Variants in SND1 observed in about 807,000 individuals in gnomAD.
SND1 encodes the protein staphylococcal nuclease and tudor domain containing 1.
SND1 carries 38 observed loss-of-function variants against 121.7 expected under a neutral mutation model. That is an observed-to-expected ratio of 0.31 (90% CI 0.24 to 0.41). The LOEUF is 0.41. SND1 is among the 10% of genes least tolerant of loss of function. The pLI, the probability that SND1 is intolerant of heterozygous loss-of-function variation, is 1.00. For missense variants in SND1, 868 were observed against 1,184.6 expected (o/e 0.73, Z 3.92); for synonymous variants, 401 against 447.4 (o/e 0.90, Z 1.31).
At chr7:127,897,669 G>A (rs1800147505) in intron 13 of SND1, among the ~76,000 whole-genome samples, 1 of 152,054 alleles carries the variant, frequency 6.6e-6, no homozygotes, top group African/African-American at 2.4e-5. Context: ...CTTATCCTAA[G>A]GAAGTAATTG....
intron 10 of SND1, among the ~76,000 whole-genome samples, chr7:127,784,460 T>G (rs1176691913): frequency 2.0e-5 from 3 of 152,214 alleles, no homozygotes; most frequent in African/African-American, 4.8e-5. Context: ...TTTGAAAGCT[T>G]CAGAGAAGTA....
chr7:128,044,786 CT>C (rs1792918145), intron 16 of SND1, among the ~76,000 whole-genome samples: 1 of 152,030 alleles, frequency 6.6e-6, no homozygotes, highest in Non-Finnish European at 1.5e-5. Context: ...CCATTCAGTA[CT>C]TTATTTTTCC....
At chr7:128,084,580 C>T (rs999482689) in intron 18 of SND1, 144 bp from the exon 19 acceptor site, 11 of 783,502 alleles carry the variant, frequency 1.4e-5, no homozygotes, top group Admixed American at 1.1e-4. Flanking sequence ...AGGGCTTCCC[C>T]GCATGGGTTG....
chr7:127,771,864 G>T (rs1350395129), intron 10 of SND1, among the ~76,000 whole-genome samples: 1 of 152,008 alleles, frequency 6.6e-6, no homozygotes. Context: ...CTGTCTGCTT[G>T]GTAAATTGCC....
At chr7:127,711,937 G>A (rs1418197781) in intron 9 of SND1, among the ~76,000 whole-genome samples, 4 of 151,272 alleles carry the variant, frequency 2.6e-5, no homozygotes, top group South Asian at 2.1e-4. Context: ...AGCTTTCTGC[G>A]AAATTGATTT....
At chr7:127,868,855 G>A (rs374513023) in intron 12 of SND1, among the ~76,000 whole-genome samples, 3 of 152,080 alleles carry the variant, frequency 2.0e-5, no homozygotes, top group South Asian at 2.1e-4. Flanking sequence ...TAGTTTGTGG[G>A]TATTTTTTTT....
At chr7:128,060,861 T>C (rs568371070) in intron 16 of SND1, among the ~76,000 whole-genome samples, 1 of 152,210 alleles carries the variant, frequency 6.6e-6, no homozygotes, top group Non-Finnish European at 1.5e-5. Flanking sequence ...AAAAGCTCAA[T>C]TGTGACTTCT....
intron 22 of SND1, 139 bp from the exon 23 acceptor site, chr7:128,091,698 C>A: frequency 1.2e-6 from 1 of 852,936 alleles, no homozygotes; most frequent in Non-Finnish European, 2.0e-6. Flanking sequence ...TTCCGTTTTA[C>A]TCTGAGGGAA....
intron 2 of SND1, among the ~76,000 whole-genome samples, chr7:127,694,264 A>G (rs994651117): frequency 2.0e-5 from 3 of 152,214 alleles, no homozygotes; most frequent in Non-Finnish European, 4.4e-5. Context: ...AAATAAGAAC[A>G]CTAGAATCAT....
chr7:127,711,309 A>G (rs966630135), intron 9 of SND1, among the ~76,000 whole-genome samples: 3 of 152,206 alleles, frequency 2.0e-5, no homozygotes, highest in African/African-American at 7.2e-5. Context: ...CTTGGGAGGT[A>G]AATTTTCTGA....
At chr7:127,881,092 A>G (rs1027069900) in intron 12 of SND1, among the ~76,000 whole-genome samples, 5 of 152,060 alleles carry the variant, frequency 3.3e-5, no homozygotes, top group African/African-American at 7.2e-5. Flanking sequence ...CTGGGAGACT[A>G]TTGGCTTAAT....
At chr7:127,784,003 G>T (rs1797769712) in intron 10 of SND1, among the ~76,000 whole-genome samples, 2 of 152,178 alleles carry the variant, frequency 1.3e-5, no homozygotes, top group African/African-American at 2.4e-5. Context: ...ATATTCCAAG[G>T]TATAAAGAAA....
intron 10 of SND1, among the ~76,000 whole-genome samples, chr7:127,755,948 A>G (rs1797188110): frequency 6.6e-6 from 1 of 152,232 alleles, no homozygotes; most frequent in African/African-American, 2.4e-5. Context: ...TGATAATGGG[A>G]AGTCTATTAA....
At chr7:127,997,892 T>C (rs771957976) in intron 16 of SND1, 2 of 534,830 alleles carry the variant, frequency 3.7e-6, no homozygotes, top group Middle Eastern at 3.2e-4. Context: ...CCACCTTTTC[T>C]TGGAAGGCTT....
At chr7:127,996,604 C>T (rs983884484) in intron 16 of SND1, among the ~76,000 whole-genome samples, 2 of 152,174 alleles carry the variant, frequency 1.3e-5, no homozygotes, top group African/African-American at 2.4e-5. Flanking sequence ...AAGTAATGGA[C>T]GCCCAGTGAG....
chr7:127,911,242 C>G (rs1299011462), intron 14 of SND1, among the ~76,000 whole-genome samples: 1 of 152,246 alleles, frequency 6.6e-6, no homozygotes, highest in Admixed American at 6.5e-5. Context: ...TGCACAGAAA[C>G]ATGCCATCAC....
rs149716448 is a variant in SND1 at position 127,818,035 on chromosome 7, G to A, written c.1242+10462G>A. Among the ~76,000 whole-genome samples the A allele has an allele frequency of 1.0e-3, 155 of 152,166 alleles. 2 individuals carry two copies. Among genetic ancestry groups the A allele is most frequent in the Non-Finnish European group, 2.0e-3 (139 of 67,998 alleles). ...TATGGAAGATTTGGATATGGAGAAG[G>A]CCTGTCATATAGCTCTGAGCTGGGG... is the stretch of plus-strand genomic sequence containing the variant. On this transcript the variant is annotated intron_variant, in intron 11 of 23. Transcript: ENST00000354725.
At chr7:127,985,797 G>A (rs1467331440) in intron 15 of SND1, among the ~76,000 whole-genome samples, 2 of 152,216 alleles carry the variant, frequency 1.3e-5, no homozygotes, top group South Asian at 2.1e-4. Context: ...AGATGAGCTG[G>A]TGGATTTTTC....
At chr7:127,763,180 A>G (rs997436514) in intron 10 of SND1, among the ~76,000 whole-genome samples, 8 of 152,234 alleles carry the variant, frequency 5.3e-5, no homozygotes, top group African/African-American at 1.9e-4. Flanking sequence ...TAAAATATAT[A>G]TAAATGTTAC....
Sources: allele counts gnomAD v4.1 joint callset (sites outside exome capture counted in the v4.1 genomes callset), GRCh38; gene constraint gnomAD v4.1.1; transcripts MANE v1.5; gene names NCBI Gene and HGNC (gene_info 2026-07-23, HGNC 2026-07-21).